SLC4A2: variants seen among roughly 807,000 people sequenced by gnomAD.
The protein encoded by SLC4A2 is anion exchange protein 2.
Under a neutral mutation model 115.0 loss-of-function variants are expected in SLC4A2, and 36 were observed. The ratio of observed to expected loss-of-function variants is 0.31; its 90% CI spans 0.24 to 0.41. SLC4A2 has a LOEUF of 0.41. Ranked by LOEUF, SLC4A2 falls within the 10% of genes least tolerant of loss-of-function variation. The pLI, the probability that SLC4A2 is intolerant of heterozygous loss-of-function variation, is 1.00. For missense variants in SLC4A2, 1,252 were observed against 1,705.6 expected, an observed-to-expected ratio of 0.73 and a Z score of 4.68; for synonymous variants, 708 against 708.3, an observed-to-expected ratio of 1.00 and a Z score of 0.01.
chr7:151,069,790 T>C lies in SLC4A2; in HGVS notation c.1148-157T>C, dbSNP rs954125532. Among the ~76,000 whole-genome samples the C allele has an allele frequency of 5.3e-5, 8 of 152,174 alleles. No homozygotes were observed. The East Asian group carries it at 7.7e-4, about 15-fold the overall frequency. On this transcript the variant is annotated intron_variant, in intron 8 of 22. Coordinates refer to ENST00000413384, the MANE Select transcript of SLC4A2 (RefSeq NM_003040.4). Reference sequence around the variant, plus strand: ...AGAGGGTTGATGTGACGTAGGCTCCTGTGGGAGCCAGAACTCGAGCCCGCG... The same window carrying C: ...AGAGGGTTGATGTGACGTAGGCTCCCGTGGGAGCCAGAACTCGAGCCCGCG...
rs55913625 is a variant in SLC4A2, at chr7:151,076,168, C to T, written c.3627C>T (p.Thr1209=). ...TGGTGGTGCTCACCCGTATCTTCAC[C>T]GACCGAGAGATGAAATGTGTAAGCC... ...LRMVVLTRIF[T]DREMKCLDAN... The change falls in exon 22 of 23, where the codon ACC becomes ACT. Residue 1209 remains threonine (T), a synonymous_variant. Transcript: ENST00000413384. 18,495 of 1,611,038 alleles carry T rather than the reference C, an allele frequency of 0.011. 128 individuals carry two copies. The highest frequency in any genetic ancestry group is 0.013 in the Non-Finnish European group (15,394 of 1,179,886).
At chr7:151,063,879 C>T (rs959192851) in intron 2 of SLC4A2, among the ~76,000 whole-genome samples, 19 of 152,144 alleles carry the variant, frequency 1.2e-4, no homozygotes, top group African/African-American at 3.9e-4. Context: ...CTGGTGTCCG[C>T]CACCACGCCT....
chr7:151,059,531 C>CCGCTCCCGCCT (rs1554449480), upstream of SLC4A2: 1 of 150,496 alleles, frequency 6.6e-6, no homozygotes, highest in Non-Finnish European at 1.5e-5. The surrounding 1 kb of genome is among the most constrained non-coding windows in gnomAD (Gnocchi z 5.8). Context: ...CGCCCCGGCC[C>CCGCTCCCGCCT]CCGCTCCCGC....
upstream of SLC4A2, chr7:151,058,271 G>C: frequency 4.0e-6 from 1 of 247,034 alleles, no homozygotes; most frequent in Non-Finnish European, 7.9e-6. Flanking sequence ...AGCGGAAATG[G>C]GGGCGGAGCG....
chr7:151,075,336 C>T lies in SLC4A2; in HGVS notation c.3129C>T (p.Gly1043=), dbSNP rs776392850. ...ACCTGCTGCTCATCGTGGCCATGGG[C>T]GGCATCTGTGCCCTCTTTGGCCTGC... ...HLDLLLIVAM[G]GICALFGLPW... is the part of the protein sequence containing the mutation. Residue 1043 remains glycine, a synonymous_variant, in exon 20 of 23, where the codon GGC becomes GGT. Transcript: ENST00000413384. The T allele has an allele frequency of 1.9e-5, 31 of 1,613,076 alleles. No homozygotes were observed. In the East Asian group the frequency reaches 4.2e-4, roughly 22 times the overall value.
chr7:151,068,631 T>TGCCTCA (rs1797317415), intron 8 of SLC4A2, among the ~76,000 whole-genome samples: 1 of 152,098 alleles, frequency 6.6e-6, no homozygotes, highest in Non-Finnish European at 1.5e-5. Context: ...GTGATCCTCC[T>TGCCTCA]GCCTCAGCCT....
intron 2 of SLC4A2, chr7:151,063,315 C>A: frequency 2.6e-6 from 2 of 768,546 alleles, no homozygotes; most frequent in Non-Finnish European, 3.8e-6. Flanking sequence ...CCCTGCGGGG[C>A]TGGGTTTGTT....
In SLC4A2 at chr7:151,071,338, G is replaced by T. The variant is rs1213121588; in HGVS notation, c.1975+41G>T. ...GCTGGGGCCAGGGCTGCCTCGAGGG[G>T]GTGAGGTGGGCAAGAGGGGCTGGGG... On this transcript the variant is annotated intron_variant, in intron 13 of 22. Coordinates refer to ENST00000413384, the MANE Select transcript of SLC4A2 (RefSeq NM_003040.4). This position sits in a 1 kb window ranked among gnomAD's most constrained non-coding sequence, Gnocchi z 5.5. The T allele has an allele frequency of 6.5e-7, 1 of 1,546,460 alleles. No homozygotes were observed. Among genetic ancestry groups the T allele is most frequent in the Admixed American group, 1.9e-5 (1 of 52,344 alleles).
At chr7:151,067,136 T>C (rs182162273) in intron 7 of SLC4A2, 143 bp downstream of exon 7, 7 of 869,294 alleles carry the variant, frequency 8.1e-6, no homozygotes, top group African/African-American at 1.7e-5. Flanking sequence ...TTGCCCAGGA[T>C]GGAGTGCAGT....
chr7:151,070,660 C>G, intron 11 of SLC4A2, 67 bp from the exon 12 acceptor site: 1 of 1,603,078 alleles, frequency 6.2e-7, no homozygotes, highest in Non-Finnish European at 8.5e-7. Context: ...TTGGTGCCAC[C>G]CTGGGCGAGG....
At chr7:151,065,959 C>T (rs1363110224) in intron 5 of SLC4A2, among the ~76,000 whole-genome samples, 7 of 152,124 alleles carry the variant, frequency 4.6e-5, no homozygotes, top group East Asian at 1.9e-4. Context: ...CAGAAGCTGG[C>T]GTCTGTGAAG....
chr7:151,067,775 AG>A, intron 7 of SLC4A2, 98 bp from the exon 8 acceptor site: 1 of 1,004,384 alleles, frequency 1.0e-6, no homozygotes, highest in Non-Finnish European at 1.5e-6. Flanking sequence ...CGTGCTCTCC[AG>A]GGTCACTTGG....
At chr7:151,075,945 A>G in intron 21 of SLC4A2, 68 bp from the exon 22 acceptor site, 1 of 1,507,028 alleles carries the variant, frequency 6.6e-7, no homozygotes, top group African/African-American at 1.4e-5. Context: ...CCGCCTCCGA[A>G]GAAGAGAGAG....
intron 2 of SLC4A2, chr7:151,062,629 C>T (rs1797089802): frequency 1.3e-6 from 2 of 1,522,146 alleles, no homozygotes; most frequent in Admixed American, 2.0e-5. Flanking sequence ...TCAGGTTCAC[C>T]CCTGCCGGCC....
At position 151,070,715 on chromosome 7, in the gene SLC4A2, C is replaced by G. The variant is rs1797406939; in HGVS notation, c.1565-12C>G. 1 of 1,612,048 alleles carries G rather than the reference C, an allele frequency of 6.2e-7. No individual in the cohort carries two copies. The highest frequency in any genetic ancestry group is 1.3e-5 in the African/African-American group (1 of 74,886). On this transcript the variant is annotated splice_polypyrimidine_tract_variant and intron_variant, in intron 11 of 22. Transcript: ENST00000413384. ...TGCTCTGCTCTTGCCCACGATGGTC[C>G]CACGCCCCTAGGCTGCGTGGAGTTC...
At position 151,064,373 on chromosome 7, in the gene SLC4A2, GGGGC is replaced by G; in HGVS notation, c.217+7_217+10del. 6.3e-7 allele frequency: 1 copy of G among 1,581,308 alleles called. No homozygotes were observed. Among genetic ancestry groups the G allele is most frequent in the Non-Finnish European group, 8.6e-7 (1 of 1,160,964 alleles). On this transcript the variant is annotated splice_region_variant and intron_variant, in intron 3 of 22. Transcript: ENST00000413384. ...TGGGGAGGAAGACTTTGAGTGTGAG[GGGGC>G]AGGCAGGGGAGGGGGAGGTGGGGGG...
In SLC4A2 at chr7:151,070,717, A is replaced by T; in HGVS notation, c.1565-10A>T. The T allele has an allele frequency of 6.2e-7, 1 of 1,612,318 alleles. No individual in the cohort carries two copies. The highest frequency in any genetic ancestry group is 8.5e-7 in the Non-Finnish European group (1 of 1,179,792). ...CTCTGCTCTTGCCCACGATGGTCCC[A>T]CGCCCCTAGGCTGCGTGGAGTTCCT... is the stretch of plus-strand genomic sequence containing the variant. On this transcript the variant is annotated splice_polypyrimidine_tract_variant and intron_variant, in intron 11 of 22. Coordinates refer to ENST00000413384, the MANE Select transcript of SLC4A2 (RefSeq NM_003040.4).
chr7:151,070,194 G>A lies in SLC4A2; in HGVS notation c.1297G>A (p.Glu433Lys). The A allele has an allele frequency of 6.2e-7, 1 of 1,614,132 alleles. No homozygotes were observed. Among genetic ancestry groups the A allele is most frequent in the East Asian group, 2.2e-5 (1 of 44,880 alleles). ...LLLKHSHPSD[E>K]KDFSFPRNIS... ...CTGCCCCACCAGCCACCCAAGTGAT[G>A]AGAAGGACTTCTCCTTCCCCCGCAA... The change falls in exon 10 of 23, where the codon GAG (glutamate) becomes AAG (lysine). Residue 433 changes from glutamate to lysine, a missense_variant. By Grantham distance (56) the Glu-to-Lys change is moderately conservative. Around this residue, in one of 14 missense-constraint regions of SLC4A2, gnomAD observed 142 missense variants for 153.5 expected, o/e 0.93. Coordinates refer to ENST00000413384, the MANE Select transcript of SLC4A2 (RefSeq NM_003040.4).
At chr7:151,061,131 G>T (rs970259329) in intron 1 of SLC4A2, 1 of 152,214 alleles carries the variant, frequency 6.6e-6, no homozygotes, top group African/African-American at 2.4e-5. Context: ...CTCTAGAGGG[G>T]CGGGATCCAG....
Sources: gnomAD v4.1 joint callset for allele counts (sites outside exome capture counted in the v4.1 genomes callset) on GRCh38, gnomAD v4.1.1 for gene constraint, gnomAD v4.1.1 regional missense constraint, Gnocchi (gnomAD v3.1) non-coding constraint, MANE v1.5 for transcripts, NCBI Gene and HGNC (gene_info 2026-07-23, HGNC 2026-07-21) for gene names.